The following ZNF385D variants were observed in gnomAD, a reference collection of about 807,000 sequenced individuals.
ZNF385D encodes zinc finger protein 659.
In ZNF385D, 15 loss-of-function variants were observed where a neutral mutation model predicts 35.8. The ratio of observed to expected loss-of-function variants is 0.42; its 90% confidence interval spans 0.28 to 0.64. The LOEUF is 0.64. Among genes scored for constraint, ZNF385D ranks in the 30% least tolerant of loss-of-function variants. The pLI is 0.23. For missense variants in ZNF385D, 474 were observed against 494.6 expected (o/e 0.96, Z 0.39); for synonymous variants, 212 against 186.8 (o/e 1.13, Z -1.10).
intron 2 of ZNF385D, among the ~76,000 whole-genome samples, chr3:22,343,623 GC>G (rs1695522806): frequency 6.6e-6 from 1 of 152,166 alleles, no homozygotes; most frequent in Admixed American, 6.5e-5. Context: ...TTCAGTTCCT[GC>G]CCATTTCTTC....
chr3:21,543,216 C>T (rs163483), intron 3 of ZNF385D, among the ~76,000 whole-genome samples: 110,812 of 151,792 alleles, frequency 0.73, 40,948 homozygotes, highest in East Asian at 0.89. Context: ...GGGGCTGAGG[C>T]AGGAGAATCA....
intron 3 of ZNF385D, among the ~76,000 whole-genome samples, chr3:22,008,748 C>A (rs1326112481): frequency 6.6e-6 from 1 of 151,938 alleles, no homozygotes; most frequent in Non-Finnish European, 1.5e-5. Context: ...TATTTTTACA[C>A]ACACTGTGAG....
intron 2 of ZNF385D, among the ~76,000 whole-genome samples, chr3:22,235,734 A>G (rs2125305068): frequency 6.6e-6 from 1 of 152,140 alleles, no homozygotes; most frequent in East Asian, 1.9e-4. Context: ...CCACTTATCA[A>G]AGATTAATAT....
At chr3:21,832,709 T>C (rs1268911052) in intron 3 of ZNF385D, among the ~76,000 whole-genome samples, 1 of 152,172 alleles carries the variant, frequency 6.6e-6, no homozygotes, top group Non-Finnish European at 1.5e-5. Context: ...TGTTGGGCAT[T>C]TAAATGGAAA....
chr3:22,329,720 G>A (rs954905505), intron 2 of ZNF385D, among the ~76,000 whole-genome samples: 2 of 152,244 alleles, frequency 1.3e-5, no homozygotes, highest in African/African-American at 2.4e-5. Context: ...CAAGCCACAT[G>A]TAATTTTATG....
intron 3 of ZNF385D, among the ~76,000 whole-genome samples, chr3:22,156,814 C>T (rs1000100239): frequency 2.6e-5 from 4 of 152,020 alleles, no homozygotes; most frequent in Admixed American, 1.3e-4. Context: ...TCATGAAGTA[C>T]CCAAGGTGAT....
At chr3:21,886,607 A>G (rs1363576201) in intron 3 of ZNF385D, among the ~76,000 whole-genome samples, 1 of 152,104 alleles carries the variant, frequency 6.6e-6, no homozygotes, top group Non-Finnish European at 1.5e-5. Flanking sequence ...GCCTAGTCTC[A>G]TGGAATCTTA....
rs150589166 is a variant in ZNF385D at position 21,916,276 on chromosome 3, A to G, written c.326-251248T>C. On this transcript the variant is annotated intron_variant, in intron 3 of 5. Transcript: ENST00000494108. ...TTCTAGATAGATTTTGTCAATTTAAATAACAAATATCATGTATACTTTTTT... is the reference window on the plus strand; with the variant it reads ...TTCTAGATAGATTTTGTCAATTTAAGTAACAAATATCATGTATACTTTTTT... 4.9e-4 allele frequency among the ~76,000 whole-genome samples: 74 copies of G among 152,304 alleles called. 4 individuals carry two copies. The East Asian group carries it at 0.014, about 29-fold the overall frequency.
intron 3 of ZNF385D, among the ~76,000 whole-genome samples, chr3:22,117,671 A>G (rs2125658024): frequency 6.6e-6 from 1 of 152,148 alleles, no homozygotes; most frequent in Middle Eastern, 3.4e-3. Context: ...TAATGGTTAC[A>G]AATTTCTAAC....
chr3:21,892,717 A>G (rs1189465925), intron 3 of ZNF385D, among the ~76,000 whole-genome samples: 1 of 152,096 alleles, frequency 6.6e-6, no homozygotes, highest in Non-Finnish European at 1.5e-5. Flanking sequence ...CAGTTTTTCT[A>G]CTTCTTTTAC....
chr3:22,063,478 C>T (rs1418989645), intron 3 of ZNF385D, among the ~76,000 whole-genome samples: 1 of 152,132 alleles, frequency 6.6e-6, no homozygotes, highest in Non-Finnish European at 1.5e-5. Flanking sequence ...TAGATTTTTA[C>T]ATAAAACTTC....
intron 2 of ZNF385D, among the ~76,000 whole-genome samples, chr3:22,348,507 A>T (rs1357470186): frequency 6.7e-6 from 1 of 149,204 alleles, no homozygotes; most frequent in Admixed American, 6.7e-5. Context: ...AAAAAAAAAA[A>T]TACAAAATTA....
intron 3 of ZNF385D, among the ~76,000 whole-genome samples, chr3:22,130,568 C>G (rs1225187233): frequency 6.6e-6 from 1 of 152,142 alleles, no homozygotes; most frequent in Non-Finnish European, 1.5e-5. Flanking sequence ...TCTGCTGTGA[C>G]AGGGCAGCAC....
intron 3 of ZNF385D, among the ~76,000 whole-genome samples, chr3:22,108,648 C>G (rs775564522): frequency 3.3e-5 from 5 of 152,108 alleles, no homozygotes; most frequent in Non-Finnish European, 5.9e-5. Flanking sequence ...GGCCAATTCT[C>G]TCATCTGTGA....
intron 3 of ZNF385D, among the ~76,000 whole-genome samples, chr3:21,842,153 T>C (rs1294616194): frequency 2.0e-5 from 3 of 152,048 alleles, no homozygotes; most frequent in Non-Finnish European, 4.4e-5. Flanking sequence ...TAACTGGTTA[T>C]CAATAATAAT....
intron 3 of ZNF385D, among the ~76,000 whole-genome samples, chr3:21,804,732 T>C (rs1441521162): frequency 1.3e-5 from 2 of 152,056 alleles, no homozygotes; most frequent in African/African-American, 4.8e-5. Context: ...TTACATTATT[T>C]ACTTAATTTT....
intron 2 of ZNF385D, among the ~76,000 whole-genome samples, chr3:21,570,370 C>T (rs1004305185): frequency 1.2e-4 from 18 of 152,080 alleles, no homozygotes; most frequent in Non-Finnish European, 2.1e-4. Context: ...GTACAGCAGC[C>T]GCAGCTCAAG....
At chr3:21,824,568 A>G (rs137940410) in intron 3 of ZNF385D, among the ~76,000 whole-genome samples, 1,684 of 152,270 alleles carry the variant, frequency 0.011, 31 homozygotes, top group African/African-American at 0.036. Flanking sequence ...TCATATATCA[A>G]AAACTTCATA....
chr3:21,740,612 G>A (rs2069466941), intron 1 of ZNF385D, among the ~76,000 whole-genome samples: 1 of 152,150 alleles, frequency 6.6e-6, no homozygotes, highest in Non-Finnish European at 1.5e-5. Flanking sequence ...CAGGCAATGT[G>A]TAATCAGGCC....
Sources: gnomAD v4.1 joint callset for allele counts (sites outside exome capture counted in the v4.1 genomes callset) on GRCh38, gnomAD v4.1.1 for gene constraint, MANE v1.5 for transcripts, NCBI Gene and HGNC (gene_info 2026-07-23, HGNC 2026-07-21) for gene names.